Variants in DGLUCY observed in about 807,000 individuals in gnomAD.
DGLUCY encodes the protein D-glutamate cyclase.
A neutral mutation model predicts 58.5 loss-of-function variants in DGLUCY; 58 were observed. The observed-to-expected ratio is 0.99, with a 90% confidence interval of 0.80 to 1.23. The LOEUF is 1.23. Ranked by LOEUF, DGLUCY falls within the 50% of genes most tolerant of loss-of-function variation. DGLUCY has a pLI of 0.00. For synonymous variants in DGLUCY, 325 were observed against 314.1 expected, an observed-to-expected ratio of 1.03 and a Z score of -0.37; for missense variants, 779 against 784.7, an observed-to-expected ratio of 0.99 and a Z score of 0.09.
chr14:91,223,592 T>C (rs1887813424), intron 13 of DGLUCY: 1 of 1,114,400 alleles, frequency 9.0e-7, no homozygotes, highest in East Asian at 5.8e-5. Flanking sequence ...CATTAGTGGC[T>C]TGGGCAAGTG....
chr14:91,204,639 G>T lies in DGLUCY; in HGVS notation c.1445-67G>T. 3 of 1,585,030 alleles carry T rather than the reference G, an allele frequency of 1.9e-6. No homozygotes were observed. The South Asian group carries it at 3.4e-5, about 18-fold the overall frequency. On this transcript the variant is annotated intron_variant, in intron 11 of 13. Transcript: ENST00000256324. ...AAAGGCAACAAGCACATGTAGGGCT[G>T]CCTTGCTTCAGGCCTCCCCCATTTT...
chr14:91,132,820 C>T (rs2140208445), intron 1 of DGLUCY, among the ~76,000 whole-genome samples: 1 of 152,190 alleles, frequency 6.6e-6, no homozygotes, highest in South Asian at 2.1e-4. Flanking sequence ...TCAGTCATCC[C>T]TCCCTTCCCC....
chr14:91,109,700 A>G (rs1448330198), upstream of DGLUCY, among the ~76,000 whole-genome samples: 1 of 152,200 alleles, frequency 6.6e-6, no homozygotes, highest in Admixed American at 6.5e-5. Flanking sequence ...TGGGGTCTCT[A>G]AAGGTACTGA....
At chr14:91,211,460 G>A (rs898497601) in intron 12 of DGLUCY, among the ~76,000 whole-genome samples, 6 of 152,240 alleles carry the variant, frequency 3.9e-5, no homozygotes, top group African/African-American at 7.2e-5. Context: ...AAGGCAGTGT[G>A]GTATTGGTGA....
At chr14:91,210,877 GA>G (rs1885573144) in intron 12 of DGLUCY, among the ~76,000 whole-genome samples, 1 of 152,086 alleles carries the variant, frequency 6.6e-6, no homozygotes, top group Non-Finnish European at 1.5e-5. Flanking sequence ...CGTAAGACAA[GA>G]AAAAGAAATA....
intron 1 of DGLUCY, among the ~76,000 whole-genome samples, chr14:91,120,480 C>T (rs2045282803): frequency 1.3e-5 from 2 of 152,190 alleles, no homozygotes; most frequent in African/African-American, 4.8e-5. Flanking sequence ...TCTCAGCTCA[C>T]TGCAACCTGC....
intron 12 of DGLUCY, 34 bp from the exon 13 acceptor site, chr14:91,215,371 A>G: frequency 6.4e-7 from 1 of 1,574,096 alleles, no homozygotes; most frequent in Non-Finnish European, 8.7e-7. Context: ...TGACTTTTCC[A>G]ACTCCATGAT....
upstream of DGLUCY, among the ~76,000 whole-genome samples, chr14:91,109,616 C>T (rs1165171432): frequency 6.6e-6 from 1 of 152,140 alleles, no homozygotes; most frequent in Non-Finnish European, 1.5e-5. Context: ...GATGAGGTTC[C>T]TCTTCCTGGC....
At chr14:91,128,648 C>T (rs908672040) in intron 1 of DGLUCY, 8 of 151,970 alleles carry the variant, frequency 5.3e-5, no homozygotes, top group African/African-American at 1.9e-4. Flanking sequence ...TCCCCTGTTA[C>T]TCTCCAGCCC....
chr14:91,102,148 A>G (rs566262639), intron 1 of DGLUCY, among the ~76,000 whole-genome samples: 12 of 152,226 alleles, frequency 7.9e-5, no homozygotes, highest in East Asian at 1.9e-4. Flanking sequence ...ATGTATATCT[A>G]CTATGTATCA....
chr14:91,072,485 T>C (rs927527786), intron 1 of DGLUCY, among the ~76,000 whole-genome samples: 2 of 152,160 alleles, frequency 1.3e-5, no homozygotes, highest in Admixed American at 1.3e-4. Flanking sequence ...ATTATTTCTA[T>C]TTTACTTAAT....
chr14:91,156,132 G>A (rs899763428), intron 1 of DGLUCY, among the ~76,000 whole-genome samples: 2 of 116,538 alleles, frequency 1.7e-5, no homozygotes, highest in African/African-American at 6.5e-5. Context: ...TTTTTTTTTT[G>A]AGATGGAGTC....
At chr14:91,174,929 T>C (rs2048773964) in intron 6 of DGLUCY, among the ~76,000 whole-genome samples, 1 of 152,114 alleles carries the variant, frequency 6.6e-6, no homozygotes. Context: ...ACAGGAGTCT[T>C]CTGTGTGGAT....
At chr14:91,093,347 T>C (rs1436557607) in intron 1 of DGLUCY, among the ~76,000 whole-genome samples, 4 of 152,178 alleles carry the variant, frequency 2.6e-5, no homozygotes, top group Non-Finnish European at 5.9e-5. Context: ...GAAATGGAAA[T>C]GCAAGTTTTG....
At chr14:91,188,838 AATAC>A (rs754963738) in intron 8 of DGLUCY, 68 bp from the exon 9 acceptor site, 63 of 1,459,176 alleles carry the variant, frequency 4.3e-5, no homozygotes, top group East Asian at 2.5e-4. Context: ...TAAGTAAATA[AATAC>A]ATACATACAT....
chr14:91,189,214 T>A, intron 9 of DGLUCY, 44 bp downstream of exon 9: 1 of 1,607,952 alleles, frequency 6.2e-7, no homozygotes, highest in Non-Finnish European at 8.5e-7. Flanking sequence ...AAACGGGCTT[T>A]GTGGACGGAG....
chr14:91,167,475 G>T (rs941980574), intron 4 of DGLUCY, 97 bp downstream of exon 4: 7 of 1,512,384 alleles, frequency 4.6e-6, no homozygotes, highest in Non-Finnish European at 6.4e-6. Flanking sequence ...CCAGCCTCAG[G>T]GACCTTCACA....
intron 1 of DGLUCY, among the ~76,000 whole-genome samples, chr14:91,116,182 A>G (rs1010492881): frequency 2.0e-5 from 3 of 152,256 alleles, no homozygotes; most frequent in African/African-American, 7.2e-5. Flanking sequence ...GCATTAAAAA[A>G]AAAAGTTTAT....
In DGLUCY at chr14:91,218,769, G is replaced by A. The variant is rs1357724065; in HGVS notation, c.1716+3213G>A. On this transcript the variant is annotated intron_variant, in intron 13 of 13. Transcript: ENST00000256324. ...TTGTTGAGCCCCGCCCCTGGGCCAGGCCCAGGCTTGCTCTAGGGGACAATG... is the reference window on the plus strand; with the variant it reads ...TTGTTGAGCCCCGCCCCTGGGCCAGACCCAGGCTTGCTCTAGGGGACAATG... Among the ~76,000 whole-genome samples, 3 of 152,264 alleles carry A rather than the reference G, an allele frequency of 2.0e-5. No individual in the cohort carries two copies. In the East Asian group the frequency reaches 5.8e-4, roughly 29 times the overall value.
Sources: gnomAD v4.1 joint callset for allele counts (sites outside exome capture counted in the v4.1 genomes callset) on GRCh38, gnomAD v4.1.1 for gene constraint, MANE v1.5 for transcripts, NCBI Gene and HGNC (gene_info 2026-07-23, HGNC 2026-07-21) for gene names.